The following TDRP variants were observed in gnomAD, a reference collection of about 807,000 sequenced individuals.
TDRP encodes the protein testis development related protein, also known as testis development-related protein.
A neutral mutation model predicts 10.5 loss-of-function variants in TDRP; 12 were observed. That is an observed-to-expected ratio of 1.15 (90% CI 0.73 to 1.86). The LOEUF is 1.86. Among genes scored for constraint, TDRP ranks in the 40% most tolerant of loss-of-function variants. TDRP has a pLI of 0.00. For synonymous variants in TDRP, 139 were observed against 95.4 expected (o/e 1.46, Z -2.67); for missense variants, 353 against 229.2 (o/e 1.54, Z -3.49).
intron 1 of TDRP, among the ~76,000 whole-genome samples, chr8:526,609 A>G (rs1802041268): frequency 6.6e-6 from 1 of 152,172 alleles, no homozygotes; most frequent in African/African-American, 2.4e-5. Flanking sequence ...GTTTGCCAGT[A>G]TTTAATTGAG....
chr8:522,615 G>C (rs1007883607), intron 1 of TDRP, among the ~76,000 whole-genome samples: 27 of 152,194 alleles, frequency 1.8e-4, no homozygotes, highest in Non-Finnish European at 3.5e-4. Context: ...GCCCCGCACA[G>C]ATCTCCCTCC....
intron 1 of TDRP, among the ~76,000 whole-genome samples, chr8:503,663 C>G (rs1310076065): frequency 1.3e-5 from 2 of 149,392 alleles, no homozygotes; most frequent in Admixed American, 6.7e-5. Context: ...ATGCCCACCT[C>G]AACACACACC....
intron 1 of TDRP, among the ~76,000 whole-genome samples, chr8:508,585 A>AC (rs1428510881): frequency 6.6e-6 from 1 of 151,964 alleles, no homozygotes; most frequent in Non-Finnish European, 1.5e-5. Flanking sequence ...GCGGGAAACC[A>AC]CCCCCAGGAT....
rs994146000 is a variant in TDRP, at chr8:491,426, C to T, written c.*973G>A. The T allele has an allele frequency of 6.6e-5, 34 of 514,574 alleles. No homozygotes were observed. The highest frequency in any genetic ancestry group is 6.5e-4 in the African/African-American group (33 of 50,698). The allele number at this position is 514,574 out of a possible 1,614,324, so 31.9% of individuals were successfully genotyped here. ...CACATTGTCAAGGACAGTAAGCAGA[C>T]AGAAAAAGAACGCGAGAGATGCTCT... On this transcript the variant is annotated 3_prime_UTR_variant, in exon 3 of 3. Transcript: ENST00000324079.
At chr8:517,612 T>C (rs1801793115) in intron 1 of TDRP, among the ~76,000 whole-genome samples, 1 of 152,160 alleles carries the variant, frequency 6.6e-6, no homozygotes, top group Admixed American at 6.5e-5. Context: ...CTTCAAGATG[T>C]CCAGCCTTTC....
chr8:527,473 A>C (rs1802063704), intron 1 of TDRP, among the ~76,000 whole-genome samples: 1 of 152,286 alleles, frequency 6.6e-6, no homozygotes, highest in South Asian at 2.1e-4. Flanking sequence ...CTGAGCAAAA[A>C]GAACAAAACT....
At chr8:504,242 C>A (rs967521632) in intron 1 of TDRP, among the ~76,000 whole-genome samples, 1 of 152,226 alleles carries the variant, frequency 6.6e-6, no homozygotes, top group East Asian at 1.9e-4. Context: ...GCAAACATAT[C>A]TTTTAAAAAC....
At chr8:499,367 G>A (rs1018368428) in intron 1 of TDRP, among the ~76,000 whole-genome samples, 9 of 152,036 alleles carry the variant, frequency 5.9e-5, no homozygotes, top group South Asian at 4.2e-4. Flanking sequence ...TGAACACCAC[G>A]CTGGGCTGGC....
intron 1 of TDRP, among the ~76,000 whole-genome samples, chr8:521,406 G>A (rs1182067050): frequency 6.6e-6 from 1 of 151,682 alleles, no homozygotes; most frequent in African/African-American, 2.4e-5. Context: ...AAGAGAGAGA[G>A]ATGCCGTCCC....
At chr8:497,721 A>T (rs1263612028) in intron 1 of TDRP, among the ~76,000 whole-genome samples, 3 of 152,156 alleles carry the variant, frequency 2.0e-5, no homozygotes, top group Non-Finnish European at 2.9e-5. Flanking sequence ...CATTTCAGAG[A>T]CCTTCATGGC....
intron 1 of TDRP, among the ~76,000 whole-genome samples, chr8:525,740 C>G (rs185824444): frequency 1.3e-5 from 2 of 151,782 alleles, no homozygotes; most frequent in Non-Finnish European, 2.9e-5. Context: ...AGAAAATCAC[C>G]GACGGGAAGG....
At chr8:520,206 GTTGT>G (rs974288540) in intron 1 of TDRP, among the ~76,000 whole-genome samples, 6 of 152,188 alleles carry the variant, frequency 3.9e-5, no homozygotes, top group Admixed American at 3.3e-4. Flanking sequence ...CCACGCATTA[GTTGT>G]TTTTTTGTGC....
At chr8:529,547 T>A (rs959069309) in intron 1 of TDRP, among the ~76,000 whole-genome samples, 1 of 149,678 alleles carries the variant, frequency 6.7e-6, no homozygotes, top group African/African-American at 2.5e-5. Flanking sequence ...TCTTACAAGG[T>A]AGATCTAGTG....
At position 544,795 on chromosome 8, in the gene TDRP, G is replaced by T. The variant is rs554500161; in HGVS notation, c.-38C>A. The stretch of plus-strand genomic sequence containing the variant: ...TCCGGCGTCCCTCCGTCCGTGCGTC[G>T]GGCTGTGGCTCCGCGTCCCTCCCGG... On this transcript the variant is annotated 5_prime_UTR_variant, in exon 1 of 3. Coordinates refer to ENST00000324079, the MANE Select transcript of TDRP (RefSeq NM_001384899.1). 2.5e-6 allele frequency: 3 copies of T among 1,215,830 alleles called. No homozygotes were observed. The South Asian group carries it at 1.2e-4, about 50-fold the overall frequency. The allele number at this position is 1,215,830 out of a possible 1,614,324, so 75.3% of individuals were successfully genotyped here. A position where few individuals can be genotyped will look rare whatever the true frequency, so the allele number is the denominator to read the frequency against.
chr8:499,094 C>G (rs1801215266), intron 1 of TDRP, among the ~76,000 whole-genome samples: 1 of 152,094 alleles, frequency 6.6e-6, no homozygotes, highest in Non-Finnish European at 1.5e-5. Flanking sequence ...GATTCCATTT[C>G]TGGTATCATA....
At position 491,657 on chromosome 8, in the gene TDRP, C is replaced by A. The variant is rs1209502474; in HGVS notation, c.*742G>T. 3 of 1,526,444 alleles carry A rather than the reference C, an allele frequency of 2.0e-6. No individual in the cohort carries two copies. Among genetic ancestry groups the A allele is most frequent in the Admixed American group, 4.1e-5 (2 of 49,132 alleles). The allele number at this position is 1,526,444 out of a possible 1,614,324, so 94.6% of individuals were successfully genotyped here. On this transcript the variant is annotated 3_prime_UTR_variant, in exon 3 of 3. Transcript: ENST00000324079. ...AATTATCAACTGACTAAAATTGATC[C>A]ATACTTCTTTAATCTGTAAACAAAA...
intron 1 of TDRP, among the ~76,000 whole-genome samples, chr8:533,757 C>T (rs1802270826): frequency 6.6e-6 from 1 of 152,126 alleles, no homozygotes; most frequent in Non-Finnish European, 1.5e-5. Context: ...TATCCCCCTC[C>T]CCCGATCACG....
chr8:537,324 G>A (rs1356103037), intron 1 of TDRP, among the ~76,000 whole-genome samples: 4 of 152,172 alleles, frequency 2.6e-5, no homozygotes, highest in African/African-American at 7.2e-5. Flanking sequence ...AGCTGTCCCA[G>A]GACCCTCCTG....
intron 1 of TDRP, among the ~76,000 whole-genome samples, chr8:511,880 C>G (rs1801629139): frequency 6.6e-6 from 1 of 152,136 alleles, no homozygotes; most frequent in East Asian, 1.9e-4. Flanking sequence ...AAAGTGAAGA[C>G]ACAACATACC....
Sources: allele counts gnomAD v4.1 joint callset (sites outside exome capture counted in the v4.1 genomes callset), GRCh38; gene constraint gnomAD v4.1.1; transcripts MANE v1.5; gene names NCBI Gene and HGNC (gene_info 2026-07-23, HGNC 2026-07-21).